The following RPS6KC1 variants were observed in gnomAD, a reference collection of about 807,000 sequenced individuals.
RPS6KC1 encodes ribosomal protein S6 kinase C1.
In RPS6KC1, 54 loss-of-function variants were observed where a neutral mutation model predicts 103.8. The observed-to-expected ratio is 0.52, with a 90% CI of 0.42 to 0.65. The LOEUF (loss-of-function observed/expected upper bound fraction) is 0.65, where lower values mean the gene tolerates loss of function less well. Ranked by LOEUF, RPS6KC1 falls within the 30% of genes least tolerant of loss-of-function variation. The pLI is 0.00. For missense variants in RPS6KC1, 1,151 were observed against 1,253.8 expected (o/e 0.92, Z 1.24); for synonymous variants, 439 against 438.7 (o/e 1.00, Z -0.01).
chr1:213,219,959 TAACA>T (rs1362224581), intron 8 of RPS6KC1, among the ~76,000 whole-genome samples: 1 of 152,232 alleles, frequency 6.6e-6, no homozygotes, highest in East Asian at 1.9e-4. Context: ...TATACATATG[TAACA>T]AACCTGCACG....
At chr1:213,344,498 T>G in the RPS6KC1 span, among the ~76,000 whole-genome samples, 1 of 152,156 alleles carries the variant, frequency 6.6e-6, no homozygotes, top group Admixed American at 6.5e-5. Context: ...TCATGGTACT[T>G]AGCATCTTTT....
chr1:213,567,571 A>G, the RPS6KC1 span, among the ~76,000 whole-genome samples: 24 of 152,220 alleles, frequency 1.6e-4, no homozygotes, highest in Non-Finnish European at 4.4e-5. Flanking sequence ...ATTATAACTT[A>G]TTCAGCATTT....
intron 8 of RPS6KC1, among the ~76,000 whole-genome samples, chr1:213,221,676 G>A (rs1292685418): frequency 6.6e-6 from 1 of 152,160 alleles, no homozygotes; most frequent in Non-Finnish European, 1.5e-5. Flanking sequence ...TCTTATAGAA[G>A]TATTTATTTA....
the RPS6KC1 span, among the ~76,000 whole-genome samples, chr1:213,709,330 A>G: frequency 6.6e-6 from 1 of 152,132 alleles, no homozygotes; most frequent in East Asian, 1.9e-4. Flanking sequence ...TTTCTAGTTC[A>G]GTTGCATAGA....
At chr1:213,286,465 T>G in the RPS6KC1 span, among the ~76,000 whole-genome samples, 23 of 152,290 alleles carry the variant, frequency 1.5e-4, no homozygotes, top group Non-Finnish European at 2.8e-4. Flanking sequence ...AATTTGACCT[T>G]CAAAAATAAT....
the RPS6KC1 span, among the ~76,000 whole-genome samples, chr1:213,487,068 C>G: frequency 6.6e-6 from 1 of 152,148 alleles, no homozygotes; most frequent in Non-Finnish European, 1.5e-5. Context: ...TCCATCACCA[C>G]TGCTTCCACC....
the RPS6KC1 span, among the ~76,000 whole-genome samples, chr1:213,673,782 T>G: frequency 6.6e-6 from 1 of 152,238 alleles, no homozygotes; most frequent in Admixed American, 6.5e-5. Flanking sequence ...GTTTTTTTCC[T>G]TTCTTCAATC....
At chr1:213,283,898 CACTTTATTCTCATAGTTGAGGAAA>C in the RPS6KC1 span, among the ~76,000 whole-genome samples, 1 of 151,866 alleles carries the variant, frequency 6.6e-6, no homozygotes, top group Non-Finnish European at 1.5e-5. Context: ...TTACTTAACT[CACTTTATTCTCATAGTTGAGGAAA>C]ACTAATTTCA....
chr1:213,519,947 C>T, the RPS6KC1 span, among the ~76,000 whole-genome samples: 7 of 152,226 alleles, frequency 4.6e-5, no homozygotes, highest in African/African-American at 1.7e-4. Flanking sequence ...GATGAGAATA[C>T]TGAGGTGGTG....
At chr1:213,522,149 T>C in the RPS6KC1 span, among the ~76,000 whole-genome samples, 1 of 152,242 alleles carries the variant, frequency 6.6e-6, no homozygotes, top group East Asian at 1.9e-4. Flanking sequence ...GAACTGATAT[T>C]GTGTTAGCAG....
intron 8 of RPS6KC1, among the ~76,000 whole-genome samples, chr1:213,189,097 A>G (rs1055316864): frequency 3.9e-5 from 6 of 152,164 alleles, no homozygotes; most frequent in South Asian, 4.1e-4. Flanking sequence ...AGTATAATGT[A>G]GGAAGGTTAA....
intron 8 of RPS6KC1, among the ~76,000 whole-genome samples, chr1:213,192,347 C>CT (rs1314113242): frequency 1.3e-5 from 2 of 151,730 alleles, no homozygotes; most frequent in Non-Finnish European, 2.9e-5. Context: ...CTATGGTTTT[C>CT]TTTTTTTTGA....
the RPS6KC1 span, among the ~76,000 whole-genome samples, chr1:213,357,354 A>C: frequency 6.6e-6 from 1 of 152,160 alleles, no homozygotes; most frequent in Non-Finnish European, 1.5e-5. Context: ...AGCCTGGTGC[A>C]CAGTCTAGCT....
the RPS6KC1 span, among the ~76,000 whole-genome samples, chr1:213,628,917 T>C: frequency 4.6e-5 from 7 of 152,168 alleles, no homozygotes; most frequent in Admixed American, 3.3e-4. Context: ...TAACCCTGAG[T>C]TCTGGTTTGA....
At chr1:213,600,730 T>G in the RPS6KC1 span, among the ~76,000 whole-genome samples, 1 of 152,252 alleles carries the variant, frequency 6.6e-6, no homozygotes, top group Non-Finnish European at 1.5e-5. Context: ...GAACTTTGAC[T>G]TGAATTTCTC....
At chr1:213,408,056 A>G in the RPS6KC1 span, among the ~76,000 whole-genome samples, 2 of 152,148 alleles carry the variant, frequency 1.3e-5, no homozygotes, top group African/African-American at 4.8e-5. Context: ...CTCACCTTTT[A>G]CTGCTGGAAG....
the RPS6KC1 span, among the ~76,000 whole-genome samples, chr1:213,797,611 T>C: frequency 6.6e-6 from 1 of 152,226 alleles, no homozygotes; most frequent in East Asian, 1.9e-4. Flanking sequence ...AACTTTCCAG[T>C]GCCTATGGAA....
At chr1:213,503,435 G>A in the RPS6KC1 span, among the ~76,000 whole-genome samples, 1 of 152,198 alleles carries the variant, frequency 6.6e-6, no homozygotes, top group Non-Finnish European at 1.5e-5. Context: ...GCCAAGCATG[G>A]TGACAAGGCA....
the RPS6KC1 span, among the ~76,000 whole-genome samples, chr1:213,508,254 G>C: frequency 6.6e-6 from 1 of 152,184 alleles, no homozygotes; most frequent in South Asian, 2.1e-4. Flanking sequence ...GATACAGTGT[G>C]CATTGAAAAA....
Sources: allele counts gnomAD v4.1 joint callset (sites outside exome capture counted in the v4.1 genomes callset), GRCh38; gene constraint gnomAD v4.1.1; transcripts MANE v1.5; gene names NCBI Gene and HGNC (gene_info 2026-07-23, HGNC 2026-07-21).